Variants in TECRL observed in about 807,000 individuals in gnomAD.
TECRL encodes trans-2,3-enoyl-CoA reductase-like.
Under a neutral mutation model 52.8 loss-of-function variants are expected in TECRL, and 63 were observed. The observed-to-expected ratio is 1.19, with a 90% CI of 0.97 to 1.47. The LOEUF (loss-of-function observed/expected upper bound fraction) is 1.47, where lower values mean the gene tolerates loss of function less well. Among genes scored for constraint, TECRL ranks in the 40% most tolerant of loss-of-function variants. The pLI is 0.00. For synonymous variants in TECRL, 164 were observed against 141.9 expected, an observed-to-expected ratio of 1.16 and a Z score of -1.10; for missense variants, 482 against 429.6, an observed-to-expected ratio of 1.12 and a Z score of -1.08.
Position 64,280,088 on chromosome 4 carries a change from A to G in TECRL, c.1076T>C (p.Ile359Thr). ...NSYIHRKSAM[I>T]PFIL is the part of the protein sequence containing the mutation. ...ATTCTTTTTTTACAATATGAATGGA[A>G]TCATTGCTGATTTTCTATGAATATA... Residue 359 changes from isoleucine (I) to threonine (T), a missense_variant, in exon 12 of 12, where the codon ATT becomes ACT. Transcript: ENST00000381210. The G allele has an allele frequency of 2.5e-6, 4 of 1,593,702 alleles. No homozygotes were observed. The highest frequency in any genetic ancestry group is 3.4e-6 in the Non-Finnish European group (4 of 1,172,656).
chr4:64,308,167 C>T (rs1365954398), intron 6 of TECRL, among the ~76,000 whole-genome samples: 1 of 152,122 alleles, frequency 6.6e-6, no homozygotes, highest in Non-Finnish European at 1.5e-5. Flanking sequence ...GATAGAAGGT[C>T]TTGCAAGAGG....
chr4:64,314,539 C>G, intron 5 of TECRL, 109 bp downstream of exon 5: 1 of 802,818 alleles, frequency 1.2e-6, no homozygotes, highest in Non-Finnish European at 2.0e-6. Flanking sequence ...TAGTAACAAC[C>G]TTTATTAATA....
At position 64,300,028 on chromosome 4, in the gene TECRL, G is replaced by T; in HGVS notation, c.731-11C>A. ...GCCTGTTTCCAAATGCTGGAGAGTA[G>T]AAAAAGAATATGTCATGCAGATACT... On this transcript the variant is annotated splice_polypyrimidine_tract_variant and intron_variant, in intron 7 of 11. Transcript: ENST00000381210. 1 of 1,565,778 alleles carries T rather than the reference G, an allele frequency of 6.4e-7. No homozygotes were observed. The highest frequency in any genetic ancestry group is 1.2e-5 in the South Asian group (1 of 84,514).
chr4:64,289,521 A>G (rs1723258428), intron 9 of TECRL, among the ~76,000 whole-genome samples, 189 bp downstream of exon 9: 1 of 152,140 alleles, frequency 6.6e-6, no homozygotes, highest in Admixed American at 6.6e-5. Context: ...TTCATTTTAG[A>G]GAAATCATTA....
chr4:64,376,896 T>G (rs972526465), intron 1 of TECRL, among the ~76,000 whole-genome samples: 1 of 152,006 alleles, frequency 6.6e-6, no homozygotes, highest in Admixed American at 6.6e-5. Context: ...TAAGCTTTAA[T>G]TAACTTTTGT....
chr4:64,378,658 AT>A (rs1722567189), intron 1 of TECRL, among the ~76,000 whole-genome samples: 1 of 152,114 alleles, frequency 6.6e-6, no homozygotes, highest in African/African-American at 2.4e-5. Flanking sequence ...ATAGAAAATA[AT>A]TTTTATACAA....
chr4:64,356,550 A>G (rs564497700), intron 2 of TECRL, among the ~76,000 whole-genome samples: 24 of 152,296 alleles, frequency 1.6e-4, no homozygotes, highest in Non-Finnish European at 2.6e-4. Flanking sequence ...TCTGGCCTAC[A>G]TGCATATCCA....
chr4:64,382,075 T>C (rs998492210), intron 1 of TECRL, among the ~76,000 whole-genome samples: 1 of 151,400 alleles, frequency 6.6e-6, no homozygotes, highest in Non-Finnish European at 1.5e-5. Flanking sequence ...TGGGCTTTTC[T>C]TTGTTGAGAG....
intron 9 of TECRL, among the ~76,000 whole-genome samples, chr4:64,287,276 G>C (rs1411810936): frequency 1.3e-5 from 2 of 152,048 alleles, no homozygotes; most frequent in East Asian, 3.8e-4. Context: ...ATTATGTAAT[G>C]TGTAATAACA....
At chr4:64,309,491 T>C (rs575865534) in intron 6 of TECRL, among the ~76,000 whole-genome samples, 1 of 152,264 alleles carries the variant, frequency 6.6e-6, no homozygotes, top group African/African-American at 2.4e-5. Context: ...CACACAGATG[T>C]ATATTTGTAG....
intron 3 of TECRL, 72 bp from the exon 4 acceptor site, chr4:64,322,864 G>A (rs994704371): frequency 1.9e-6 from 2 of 1,035,116 alleles, no homozygotes; most frequent in Non-Finnish European, 2.8e-6. Flanking sequence ...ATTTCTTAGT[G>A]TAAAATCAGT....
intron 5 of TECRL, among the ~76,000 whole-genome samples, chr4:64,313,283 A>G (rs1717192008): frequency 6.6e-6 from 1 of 151,726 alleles, no homozygotes. Context: ...TATTTAATGC[A>G]TAAAATTTGT....
chr4:64,392,338 C>A (rs571274035), intron 1 of TECRL, among the ~76,000 whole-genome samples: 1 of 151,756 alleles, frequency 6.6e-6, no homozygotes, highest in Non-Finnish European at 1.5e-5. Context: ...TATTTATTTG[C>A]GTCTACACTT....
At chr4:64,336,349 G>A (rs924846863) in intron 2 of TECRL, among the ~76,000 whole-genome samples, 5 of 152,182 alleles carry the variant, frequency 3.3e-5, no homozygotes, top group Middle Eastern at 3.4e-3. Flanking sequence ...CTGTGGGATT[G>A]GTGGTGATAT....
intron 1 of TECRL, among the ~76,000 whole-genome samples, chr4:64,405,936 T>A (rs886479709): frequency 3.9e-5 from 6 of 152,116 alleles, no homozygotes; most frequent in African/African-American, 1.2e-4. Flanking sequence ...GCTCTGCATT[T>A]AGCAAAGTAT....
intron 1 of TECRL, among the ~76,000 whole-genome samples, chr4:64,408,820 G>C (rs934263047): frequency 1.3e-5 from 2 of 152,024 alleles, no homozygotes; most frequent in African/African-American, 2.4e-5. Context: ...AATAGGTTGA[G>C]CATTTGTAAT....
At position 64,314,687 on chromosome 4, in the gene TECRL, C is replaced by G. The variant is rs776497417; in HGVS notation, c.512G>C (p.Gly171Ala). The G allele has an allele frequency of 6.2e-7, 1 of 1,607,870 alleles. No individual in the cohort carries two copies. Among genetic ancestry groups the G allele is most frequent in the South Asian group, 1.1e-5 (1 of 90,978 alleles). ...FYLRIPCIYDGKESARRLRHP... is the reference protein window; with the variant it reads ...FYLRIPCIYDAKESARRLRHP... ...GCGTAATCTTCTAGCACTCTCTTTTCCATCATATATACATGGGATCCTCAA... is the reference window on the plus strand; with the variant it reads ...GCGTAATCTTCTAGCACTCTCTTTTGCATCATATATACATGGGATCCTCAA... The change falls in exon 5 of 12, where the codon GGA becomes GCA. Residue 171 changes from glycine (G) to alanine (A), a missense_variant. By Grantham distance (60) the Gly-to-Ala change is moderately conservative. Transcript: ENST00000381210.
At chr4:64,358,675 A>C (rs1577930658) in intron 2 of TECRL, among the ~76,000 whole-genome samples, 2 of 151,858 alleles carry the variant, frequency 1.3e-5, no homozygotes, top group Non-Finnish European at 3.0e-5. Flanking sequence ...ATCTTTCAAA[A>C]ATAAACTCAT....
chr4:64,359,519 A>G (rs1008258270), intron 2 of TECRL, among the ~76,000 whole-genome samples: 5 of 152,042 alleles, frequency 3.3e-5, no homozygotes, highest in African/African-American at 1.2e-4. Flanking sequence ...GATTATTAAA[A>G]AAAAAAGTCC....
Sources: gnomAD v4.1 joint callset for allele counts (sites outside exome capture counted in the v4.1 genomes callset) on GRCh38, gnomAD v4.1.1 for gene constraint, MANE v1.5 for transcripts, NCBI Gene and HGNC (gene_info 2026-07-23, HGNC 2026-07-21) for gene names.